MTUS1: variants seen among roughly 807,000 people sequenced by gnomAD.
MTUS1 encodes the protein microtubule-associated tumor suppressor 1.
A neutral mutation model predicts 120.8 loss-of-function variants in MTUS1; 109 were observed. That is an observed-to-expected ratio of 0.90 (90% confidence interval 0.77 to 1.06). The LOEUF (loss-of-function observed/expected upper bound fraction) is 1.06. Among genes scored for constraint, MTUS1 ranks in the 50% least tolerant of loss-of-function variants. MTUS1 has a pLI of 0.00. For synonymous variants in MTUS1, 737 were observed against 550.5 expected (o/e 1.34, Z -4.74); for missense variants, 2,210 against 1,486.3 (o/e 1.49, Z -8.01).
chr8:17,688,940 G>A (rs149048767), intron 6 of MTUS1, among the ~76,000 whole-genome samples: 148 of 152,126 alleles, frequency 9.7e-4, no homozygotes, highest in South Asian at 1.7e-3. Context: ...GGCCGGGTGC[G>A]GTGGCTCACA....
At chr8:17,702,188 G>A (rs1819233470) in intron 6 of MTUS1, among the ~76,000 whole-genome samples, 3 of 152,184 alleles carry the variant, frequency 2.0e-5, no homozygotes. Flanking sequence ...TACAGCTGCT[G>A]TAATTTACCA....
At position 17,754,562 on chromosome 8, in the gene MTUS1, T is replaced by G; in HGVS notation, c.1246A>C (p.Asn416His). Residue 416 changes from asparagine to histidine, a missense_variant, in exon 2 of 15, where the codon AAT becomes CAT. Transcript: ENST00000693296. ...TTGTCTGTGCTAATGACCATATCAT[T>G]TGCATCCCAAGTCAGTCCAAATGAC... is the stretch of plus-strand genomic sequence containing the variant. ...GSSFGLTWDA[N>H]DMVISTDKTM... 1 of 1,614,192 alleles carries G rather than the reference T, an allele frequency of 6.2e-7. No individual in the cohort carries two copies.
chr8:17,759,503 TCA>T (rs2048876119), intron 1 of MTUS1, among the ~76,000 whole-genome samples: 1 of 150,686 alleles, frequency 6.6e-6, no homozygotes, highest in South Asian at 2.1e-4. Context: ...ACTGAAATCT[TCA>T]CAATCTTTGA....
intron 5 of MTUS1, among the ~76,000 whole-genome samples, chr8:17,715,213 G>A (rs1822092176): frequency 6.6e-6 from 1 of 152,010 alleles, no homozygotes; most frequent in Non-Finnish European, 1.5e-5. Context: ...GCACAAAGAA[G>A]GCTTCTGATG....
At chr8:17,792,721 A>C (rs1470657259) in intron 1 of MTUS1, among the ~76,000 whole-genome samples, 1 of 152,240 alleles carries the variant, frequency 6.6e-6, no homozygotes, top group Non-Finnish European at 1.5e-5. Context: ...AAAATTATCC[A>C]GGCGCGGTGG....
chr8:17,669,817 C>T lies in MTUS1; in HGVS notation c.2905+5369G>A, dbSNP rs530861776. On this transcript the variant is annotated intron_variant, in intron 8 of 14. Coordinates refer to ENST00000693296, the MANE Select transcript of MTUS1 (RefSeq NM_001363059.2). ...CCAAGATCATGCCACTGCACTCCAG[C>T]ATGGGTGACAGGGTAGAAAACTCCT... Among the ~76,000 whole-genome samples, 9 of 151,774 alleles carry T rather than the reference C, an allele frequency of 5.9e-5. No individual in the cohort carries two copies. In the East Asian group the frequency reaches 9.7e-4, roughly 16 times the overall value.
At position 17,754,499 on chromosome 8, in the gene MTUS1, T is replaced by C. The variant is rs374391254; in HGVS notation, c.1309A>G (p.Lys437Glu). The C allele has an allele frequency of 1.4e-4, 223 of 1,614,120 alleles. 1 individual carries two copies. Among genetic ancestry groups the C allele is most frequent in the Non-Finnish European group, 1.9e-4 (219 of 1,180,044 alleles). The change falls in exon 2 of 15, where the codon AAA (lysine) becomes GAA (glutamate). Residue 437 changes from lysine (K) to glutamate (E), a missense_variant. Lys to Glu is a moderately conservative substitution (Grantham distance 56, BLOSUM62 1). Coordinates refer to ENST00000693296, the MANE Select transcript of MTUS1 (RefSeq NM_001363059.2). ...CMSTPVLEPT[K>E]VTFSVSPIEA... ...ATCGGTGAAACAGAAAAGGTTACTT[T>C]TGTGGGTTCTAGGACTGGTGTTGAC...
chr8:17,739,729 T>C (rs1422161269), intron 3 of MTUS1, among the ~76,000 whole-genome samples: 2 of 152,168 alleles, frequency 1.3e-5, no homozygotes, highest in South Asian at 2.1e-4. Context: ...AATGAATTTA[T>C]AGATGAAATT....
chr8:17,721,529 C>T (rs754831759), intron 4 of MTUS1, among the ~76,000 whole-genome samples: 1 of 152,030 alleles, frequency 6.6e-6, no homozygotes, highest in Non-Finnish European at 1.5e-5. Flanking sequence ...ATAAAAGAGA[C>T]AACAAAATTG....
At chr8:17,678,301 G>A (rs757218497) in intron 7 of MTUS1, among the ~76,000 whole-genome samples, 7 of 152,084 alleles carry the variant, frequency 4.6e-5, no homozygotes, top group Admixed American at 6.5e-5. Context: ...ACTCTTAACC[G>A]TCTAGATAAC....
At chr8:17,781,104 G>T (rs567256321) in intron 1 of MTUS1, 1 of 152,296 alleles carries the variant, frequency 6.6e-6, no homozygotes, top group African/African-American at 2.4e-5. Flanking sequence ...GAATAAGAGT[G>T]TGCCTGTTTT....
At chr8:17,727,032 G>T (rs2046270213) in intron 3 of MTUS1, among the ~76,000 whole-genome samples, 1 of 152,104 alleles carries the variant, frequency 6.6e-6, no homozygotes, top group Non-Finnish European at 1.5e-5. Context: ...TGCACTAGAG[G>T]AAAGCTTACC....
chr8:17,756,138 C>T (rs1030417480), intron 1 of MTUS1, among the ~76,000 whole-genome samples, 177 bp from the exon 2 acceptor site: 6 of 152,098 alleles, frequency 3.9e-5, no homozygotes, highest in Admixed American at 3.9e-4. Flanking sequence ...TTTCAAGATA[C>T]TTTTTTAATT....
In MTUS1 at chr8:17,753,944, TAGA is replaced by T. The variant is rs749059671; in HGVS notation, c.1861_1863del (p.Ser621del). 1.8e-5 allele frequency: 29 copies of T among 1,614,108 alleles called. No homozygotes were observed. In the African/African-American group the frequency reaches 3.5e-4, roughly 19 times the overall value. On this transcript the variant is annotated inframe_deletion, in exon 2 of 15. Coordinates refer to ENST00000693296, the MANE Select transcript of MTUS1 (RefSeq NM_001363059.2). The stretch of plus-strand genomic sequence containing the variant: ...ACGGACCCGGTCTCGCATGCTGAGT[TAGA>T]AGAACTGGCTTTGTCAACATCTTCC...
intron 7 of MTUS1, among the ~76,000 whole-genome samples, chr8:17,679,353 G>GCA (rs1813808197): frequency 7.3e-6 from 1 of 136,666 alleles, no homozygotes; most frequent in Non-Finnish European, 1.5e-5. Flanking sequence ...ATGTGTGCGC[G>GCA]CGCGTGTGTG....
At chr8:17,695,836 A>G (rs991794697) in intron 6 of MTUS1, among the ~76,000 whole-genome samples, 1 of 152,208 alleles carries the variant, frequency 6.6e-6, no homozygotes, top group African/African-American at 2.4e-5. Context: ...ATAGATTTAC[A>G]TGTGACTGGA....
chr8:17,648,759 A>T (rs1806352576), intron 13 of MTUS1, among the ~76,000 whole-genome samples: 1 of 152,230 alleles, frequency 6.6e-6, no homozygotes, highest in African/African-American at 2.4e-5. Context: ...CCTACTGTCC[A>T]GGGCTGGTTT....
chr8:17,778,625 C>G (rs867333058), intron 1 of MTUS1, among the ~76,000 whole-genome samples: 1 of 151,836 alleles, frequency 6.6e-6, no homozygotes, highest in Admixed American at 6.6e-5. Flanking sequence ...TAGAGCTGCA[C>G]GGTGAAACCC....
At chr8:17,652,639 T>A (rs188499259) in intron 12 of MTUS1, among the ~76,000 whole-genome samples, 36 of 152,126 alleles carry the variant, frequency 2.4e-4, no homozygotes, top group South Asian at 2.1e-4. Flanking sequence ...AGAGTGAACT[T>A]TTCCTGGGCA....
Sources: allele counts gnomAD v4.1 joint callset (sites outside exome capture counted in the v4.1 genomes callset), GRCh38; gene constraint gnomAD v4.1.1; transcripts MANE v1.5; gene names NCBI Gene and HGNC (gene_info 2026-07-23, HGNC 2026-07-21).